Variants in NEDD9 observed in about 807,000 individuals in gnomAD.
NEDD9 encodes the protein enhancer of filamentation 1.
A neutral mutation model predicts 76.6 loss-of-function variants in NEDD9; 26 were observed. That is an observed-to-expected ratio of 0.34 (90% confidence interval 0.25 to 0.47). The LOEUF (loss-of-function observed/expected upper bound fraction) is 0.47. NEDD9 is among the 20% of genes least tolerant of loss of function. The pLI is 1.00. For missense variants in NEDD9, 937 were observed against 1,058.5 expected (o/e 0.89, Z 1.59); for synonymous variants, 392 against 414.2 (o/e 0.95, Z 0.65).
In NEDD9 at chr6:11,188,267, T is replaced by G. The variant is rs1057320116; in HGVS notation, c.1946A>C (p.Glu649Ala). 2.5e-6 allele frequency: 4 copies of G among 1,614,106 alleles called. No individual in the cohort carries two copies. In the Admixed American group the frequency reaches 5.0e-5, roughly 20 times the overall value. ...EFERQQKELL[E>A]KENIMKQNKM... ...GTTCTGTTTCATGATATTCTCTTTT[T>G]CCAATAGCTCTTTCTGTTGCCTCTC... Residue 649 changes from glutamate to alanine, a missense_variant, in exon 6 of 7, where the codon GAA becomes GCA. Glu to Ala is a moderately radical substitution (Grantham distance 107, BLOSUM62 -1). Transcript: ENST00000379446.
rs1043605364 is a variant in NEDD9 at position 11,344,189 on chromosome 6, T to G, written c.-213-9628A>C. Among the ~76,000 whole-genome samples, 10 of 152,202 alleles carry G rather than the reference T, an allele frequency of 6.6e-5. 1 individual carries two copies. The highest frequency in any genetic ancestry group is 2.4e-4 in the African/African-American group (10 of 41,464). The stretch of plus-strand genomic sequence containing the variant: ...GCATACATCTCTGGCTACAAAAATG[T>G]GCTGATAAGAATATGTGATAGACAT... On this transcript the variant is annotated intron_variant, in intron 1 of 3. Coordinates refer to the NEDD9 transcript ENST00000397378.
chr6:11,236,960 C>T (rs566653309), upstream of NEDD9, among the ~76,000 whole-genome samples: 59 of 152,194 alleles, frequency 3.9e-4, no homozygotes, highest in African/African-American at 1.1e-3. The surrounding 1 kb of genome is among the most constrained non-coding windows in gnomAD (Gnocchi z 5.5). Context: ...GTGGGGTTGC[C>T]GGGAACTTAC....
chr6:11,293,582 C>G (rs995296383), intron 3 of NEDD9, among the ~76,000 whole-genome samples: 2 of 152,216 alleles, frequency 1.3e-5, no homozygotes, highest in African/African-American at 2.4e-5. Context: ...CACAACCAAG[C>G]TAATTGAAAT....
intron 1 of NEDD9, among the ~76,000 whole-genome samples, chr6:11,343,088 A>G (rs1453722262): frequency 3.3e-5 from 5 of 152,094 alleles, no homozygotes; most frequent in Non-Finnish European, 4.4e-5. Context: ...AATTTTACAG[A>G]AGATAAATTA....
intron 3 of NEDD9, among the ~76,000 whole-genome samples, chr6:11,295,668 G>A (rs1760872796): frequency 6.6e-6 from 1 of 152,158 alleles, no homozygotes; most frequent in Admixed American, 6.5e-5. Flanking sequence ...CAACATGGAA[G>A]GACATCCCAG....
At chr6:11,232,726 G>A (rs1353389072), upstream of NEDD9, 34 of 1,429,602 alleles carry the variant, frequency 2.4e-5, no homozygotes, top group Non-Finnish European at 1.3e-5. Flanking sequence ...ATGCCGCCCC[G>A]CCATTGGCTA....
At chr6:11,329,059 T>C (rs539391073) in intron 2 of NEDD9, among the ~76,000 whole-genome samples, 1 of 152,346 alleles carries the variant, frequency 6.6e-6, no homozygotes, top group Non-Finnish European at 1.5e-5. Flanking sequence ...GGCACAAGCA[T>C]GACATCATGT....
intron 3 of NEDD9, among the ~76,000 whole-genome samples, chr6:11,267,671 T>C (rs982755705): frequency 4.6e-5 from 7 of 151,920 alleles, no homozygotes; most frequent in Non-Finnish European, 7.4e-5. Context: ...AATCAGCTAG[T>C]AAGAAAAAAA....
intron 3 of NEDD9, among the ~76,000 whole-genome samples, chr6:11,257,314 C>T (rs569126535): frequency 6.6e-6 from 1 of 152,360 alleles, no homozygotes; most frequent in African/African-American, 2.4e-5. Flanking sequence ...AAAAATATCT[C>T]TACACATTGG....
chr6:11,227,911 C>G lies in NEDD9; in HGVS notation c.12+4593G>C, dbSNP rs114322236. 6.6e-3 allele frequency among the ~76,000 whole-genome samples: 1,007 copies of G among 152,226 alleles called. 10 individuals carry two copies. The highest frequency in any genetic ancestry group is 0.022 in the African/African-American group (933 of 41,510). On this transcript the variant is annotated intron_variant, in intron 1 of 6. Coordinates refer to ENST00000379446, the MANE Select transcript of NEDD9 (RefSeq NM_006403.4). ...AGAGTGGATGGATGAGGAGACTTTA[C>G]TAGCGGGACTGACAGGCCACTCAAG...
At chr6:11,285,730 T>G (rs1048369024) in intron 3 of NEDD9, among the ~76,000 whole-genome samples, 1 of 152,218 alleles carries the variant, frequency 6.6e-6, no homozygotes, top group African/African-American at 2.4e-5. Flanking sequence ...AACTGACTTT[T>G]GACAAAGGTG....
chr6:11,378,648 T>C (rs1368571083), intron 1 of NEDD9, among the ~76,000 whole-genome samples: 1 of 152,214 alleles, frequency 6.6e-6, no homozygotes, highest in South Asian at 2.1e-4. Context: ...TAGTATAAAA[T>C]GTTACAATAT....
At chr6:11,246,864 C>G (rs543860618) in intron 3 of NEDD9, among the ~76,000 whole-genome samples, 1 of 152,172 alleles carries the variant, frequency 6.6e-6, no homozygotes, top group Admixed American at 6.5e-5. Flanking sequence ...CCTCCAGTTA[C>G]GTGACTTAGG....
At chr6:11,272,571 A>C (rs958669608) in intron 3 of NEDD9, among the ~76,000 whole-genome samples, 1 of 152,246 alleles carries the variant, frequency 6.6e-6, no homozygotes, top group African/African-American at 2.4e-5. Context: ...AATTTATTTC[A>C]AGATCGGTAA....
intron 3 of NEDD9, among the ~76,000 whole-genome samples, chr6:11,296,678 TC>T (rs149516584): frequency 0.16 from 10,050 of 63,692 alleles, 372 homozygotes; most frequent in East Asian, 0.23. Flanking sequence ...TCCTTTCCTT[TC>T]CCTTCCTTCC....
In NEDD9 at chr6:11,185,140, C is replaced by T; in HGVS notation, c.*22G>A. On this transcript the variant is annotated 3_prime_UTR_variant, in exon 7 of 7. Coordinates refer to ENST00000379446, the MANE Select transcript of NEDD9 (RefSeq NM_006403.4). ...TTTCCTTAGTAACCGTTAACGCAGTCCCCTTCCTCTTTTTTTTCTTCTCAG... is the reference window on the plus strand; with the variant it reads ...TTTCCTTAGTAACCGTTAACGCAGTTCCCTTCCTCTTTTTTTTCTTCTCAG... The T allele has an allele frequency of 6.3e-7, 1 of 1,598,940 alleles. No individual in the cohort carries two copies. The highest frequency in any genetic ancestry group is 1.3e-5 in the African/African-American group (1 of 74,504).
intron 3 of NEDD9, among the ~76,000 whole-genome samples, chr6:11,278,076 C>A (rs1175677812): frequency 6.6e-6 from 1 of 152,158 alleles, no homozygotes; most frequent in Non-Finnish European, 1.5e-5. Context: ...CTGCTGCCTC[C>A]CTGCTTCTCT....
chr6:11,310,855 A>G (rs1206653306), intron 2 of NEDD9, among the ~76,000 whole-genome samples: 1 of 152,084 alleles, frequency 6.6e-6, no homozygotes, highest in Non-Finnish European at 1.5e-5. Flanking sequence ...TCTGAAATGA[A>G]CTTCCTCAAC....
intron 1 of NEDD9, among the ~76,000 whole-genome samples, chr6:11,218,978 G>A (rs750156225): frequency 2.0e-5 from 3 of 152,168 alleles, no homozygotes; most frequent in Non-Finnish European, 2.9e-5. Flanking sequence ...TCTCTTTTAA[G>A]AGCCTTTCTC....
Sources: allele counts gnomAD v4.1 joint callset (sites outside exome capture counted in the v4.1 genomes callset), GRCh38; gene constraint gnomAD v4.1.1; non-coding constraint Gnocchi (gnomAD v3.1); transcripts MANE v1.5; gene names NCBI Gene and HGNC (gene_info 2026-07-23, HGNC 2026-07-21).